Variants in SRSF11 observed in about 807,000 individuals in gnomAD.
The protein encoded by SRSF11 is serine/arginine-rich splicing factor 11.
Under a neutral mutation model 56.0 loss-of-function variants are expected in SRSF11, and 9 were observed. The observed-to-expected ratio is 0.16, with a 90% CI of 0.10 to 0.28. SRSF11 has a LOEUF of 0.28. Among genes scored for constraint, SRSF11 ranks in the 10% least tolerant of loss-of-function variants. The probability of loss-of-function intolerance (pLI) is 1.00; values close to 1 mark genes in which losing one functional copy is unlikely to be tolerated. For synonymous variants in SRSF11, 222 were observed against 215.3 expected (o/e 1.03, Z -0.27); for missense variants, 421 against 600.7 (o/e 0.70, Z 3.13).
At chr1:70,242,364 A>AC (rs1553233322) in intron 7 of SRSF11, among the ~76,000 whole-genome samples, 4 of 148,972 alleles carry the variant, frequency 2.7e-5, no homozygotes, top group African/African-American at 5.0e-5. Context: ...ACACACACAC[A>AC]CCCCCCACAC....
At chr1:70,244,903 C>T (rs902109406) in intron 8 of SRSF11, 88 bp downstream of exon 8, 62 of 1,330,792 alleles carry the variant, frequency 4.7e-5, no homozygotes, top group South Asian at 3.4e-4. Flanking sequence ...GGTTGGGGTG[C>T]GGGGCAGAGA....
At chr1:70,232,933 G>T (rs1187192802) in intron 3 of SRSF11, among the ~76,000 whole-genome samples, 1 of 152,188 alleles carries the variant, frequency 6.6e-6, no homozygotes, top group Non-Finnish European at 1.5e-5. Context: ...TAAATACTGT[G>T]TATTCTAATT....
Position 70,252,586 on chromosome 1 carries a change from AAG to A in SRSF11, c.*1783_*1784del, listed in dbSNP as rs754532515. The A allele has an allele frequency of 0.011, 7 of 640 alleles. No homozygotes were observed. Among genetic ancestry groups the A allele is most frequent in the East Asian group, 0.25 (1 of 4 alleles). The allele number at this position is 640 out of a possible 1,614,324, so 0.0% of individuals were successfully genotyped here. ...GTAACTTTTTAAAGATTTTATCAAA[AAG>A]AATTGTCTATAGTGAGTAAAAGAAG... On this transcript the variant is annotated 3_prime_UTR_variant, in exon 12 of 12. Coordinates refer to ENST00000370949, the MANE Select transcript of SRSF11 (RefSeq NM_001350605.2).
chr1:70,244,745 A>C lies in SRSF11; in HGVS notation c.862A>C (p.Lys288Gln), dbSNP rs1160968920. 1 of 1,614,078 alleles carries C rather than the reference A, an allele frequency of 6.2e-7. No homozygotes were observed. Among genetic ancestry groups the C allele is most frequent in the Admixed American group, 1.7e-5 (1 of 59,998 alleles). Residue 288 changes from lysine to glutamine, a missense_variant, in exon 8 of 12, where the codon AAA becomes CAA. Physicochemically the swap from Lys to Gln is moderately conservative, Grantham distance 53. Coordinates refer to ENST00000370949, the MANE Select transcript of SRSF11 (RefSeq NM_001350605.2). ...TAAGTCTAGGAGTCGGCGACGATCC[A>C]AAAGCCCAAGGCGGAGAAGATCTCA... is the stretch of plus-strand genomic sequence containing the variant. ...HSKSRSRRRS[K>Q]SPRRRRSHSR... is the part of the protein sequence containing the mutation.
intron 9 of SRSF11, chr1:70,249,619 CT>C: frequency 4.6e-6 from 1 of 216,886 alleles, no homozygotes; most frequent in Non-Finnish European, 9.2e-6. Context: ...TGCAGTGGCC[CT>C]ATCACAACTC....
Position 70,216,352 on chromosome 1 carries a change from A to T in SRSF11, c.-25-5260A>T, listed in dbSNP as rs544682354. Among the ~76,000 whole-genome samples, 186 of 150,108 alleles carry T rather than the reference A, an allele frequency of 1.2e-3. 2 individuals carry two copies. Among genetic ancestry groups the T allele is most frequent in the Non-Finnish European group, 3.1e-4 (21 of 67,630 alleles). ...GAGTATTATGGGGAACCTGTAAGTTATTTCTTGTGTTTCAAAAGCCTATCA... is the reference window on the plus strand; with the variant it reads ...GAGTATTATGGGGAACCTGTAAGTTTTTTCTTGTGTTTCAAAAGCCTATCA... On this transcript the variant is annotated intron_variant, in intron 1 of 12. Transcript: ENST00000370950.
chr1:70,212,403 C>T (rs1179933575), intron 1 of SRSF11, among the ~76,000 whole-genome samples: 1 of 152,048 alleles, frequency 6.6e-6, no homozygotes, highest in Non-Finnish European at 1.5e-5. Context: ...ATTATAGGCA[C>T]GCACCACCAC....
intron 1 of SRSF11, among the ~76,000 whole-genome samples, chr1:70,225,098 A>C (rs1489373748): frequency 1.3e-5 from 2 of 152,214 alleles, no homozygotes; most frequent in East Asian, 3.9e-4. Flanking sequence ...TTAGCCAAGT[A>C]ACTTGTAAGA....
intron 2 of SRSF11, chr1:70,231,673 A>G (rs1408511207): frequency 5.9e-6 from 7 of 1,180,964 alleles, no homozygotes; most frequent in South Asian, 3.3e-5. Flanking sequence ...ATTCATTTTC[A>G]TGAGTCAGCA....
chr1:70,214,985 G>A (rs1366600786), intron 1 of SRSF11, among the ~76,000 whole-genome samples: 2 of 142,466 alleles, frequency 1.4e-5, no homozygotes, highest in African/African-American at 2.6e-5. Flanking sequence ...TGCAGCCTCC[G>A]CCTCCTGGGT....
intron 7 of SRSF11, among the ~76,000 whole-genome samples, chr1:70,240,981 A>G (rs1675254613): frequency 6.6e-6 from 1 of 151,608 alleles, no homozygotes; most frequent in African/African-American, 2.4e-5. Flanking sequence ...CATGTTGGTC[A>G]GGCTCATCTC....
chr1:70,230,713 A>G, intron 2 of SRSF11: 1 of 1,197,196 alleles, frequency 8.4e-7, no homozygotes, highest in South Asian at 1.5e-5. Flanking sequence ...TTTTTTTTTA[A>G]TGGATGCAGA....
intron 8 of SRSF11, among the ~76,000 whole-genome samples, chr1:70,245,985 G>C (rs1243590375): frequency 1.3e-5 from 2 of 152,060 alleles, no homozygotes; most frequent in African/African-American, 4.8e-5. Context: ...CAAATGAAGA[G>C]GGAACCAATG....
intron 9 of SRSF11, 134 bp downstream of exon 9, chr1:70,247,041 T>C (rs1025414133): frequency 1.2e-5 from 13 of 1,103,400 alleles, no homozygotes; most frequent in Non-Finnish European, 1.5e-5. Context: ...TTTGCTGTTA[T>C]TTAAAGTTTT....
intron 2 of SRSF11, chr1:70,231,431 T>C (rs1672821815): frequency 1.9e-6 from 2 of 1,058,314 alleles, no homozygotes; most frequent in Non-Finnish European, 2.3e-6. Context: ...CAGATTAGGC[T>C]TTAAAAACAG....
chr1:70,245,841 T>TG (rs1371342935), intron 8 of SRSF11, among the ~76,000 whole-genome samples: 2 of 152,152 alleles, frequency 1.3e-5, no homozygotes, highest in African/African-American at 4.8e-5. Flanking sequence ...TTGAAAATGG[T>TG]GAACAGGGAA....
chr1:70,253,052 A>G lies in SRSF11; in HGVS notation c.*2247A>G, dbSNP rs182807352. 1 of 152,342 alleles carries G rather than the reference A, an allele frequency of 6.6e-6. No homozygotes were observed. The highest frequency in any genetic ancestry group is 6.5e-5 in the Admixed American group (1 of 15,298). 9.4% of individuals were successfully genotyped at this position (152,342 alleles called of 1,614,324 possible). A position where few individuals can be genotyped will look rare whatever the true frequency, so the allele number is the denominator to read the frequency against. ...AATAAAAGTGGTTTTTGTTAGAAAA[A>G]TGTTTTGTCCTTATTTATTTGCTTA... On this transcript the variant is annotated 3_prime_UTR_variant, in exon 12 of 12. Coordinates refer to ENST00000370949, the MANE Select transcript of SRSF11 (RefSeq NM_001350605.2).
intron 1 of SRSF11, among the ~76,000 whole-genome samples, chr1:70,206,528 C>A (rs1669039962): frequency 6.6e-6 from 1 of 152,020 alleles, no homozygotes; most frequent in Non-Finnish European, 1.5e-5. Context: ...TGTACAACTT[C>A]TTGATTCAAC....
At chr1:70,249,372 C>T (rs1337387554) in intron 9 of SRSF11, 2 of 152,300 alleles carry the variant, frequency 1.3e-5, no homozygotes, top group African/African-American at 2.4e-5. Flanking sequence ...TCACCCCTCT[C>T]GCATTAGTTT....
Sources: allele counts gnomAD v4.1 joint callset (sites outside exome capture counted in the v4.1 genomes callset), GRCh38; gene constraint gnomAD v4.1.1; transcripts MANE v1.5; gene names NCBI Gene and HGNC (gene_info 2026-07-23, HGNC 2026-07-21).